The following SYNPR variants were observed in gnomAD, a reference collection of about 807,000 sequenced individuals.
SYNPR encodes the protein synaptoporin.
SYNPR carries 23 observed loss-of-function variants against 32.9 expected under a neutral mutation model. The observed-to-expected ratio is 0.70, with a 90% CI of 0.50 to 0.99. SYNPR has a LOEUF of 0.99. Ranked by LOEUF, SYNPR falls within the 50% of genes least tolerant of loss-of-function variation. The pLI is 0.00. For synonymous variants in SYNPR, 146 were observed against 135.9 expected (o/e 1.07, Z -0.52); for missense variants, 318 against 349.3 (o/e 0.91, Z 0.71).
intron 2 of SYNPR, among the ~76,000 whole-genome samples, chr3:63,265,458 G>A (rs2086477948): frequency 6.6e-6 from 1 of 151,928 alleles, no homozygotes; most frequent in Admixed American, 6.6e-5. Flanking sequence ...CACCATGTTG[G>A]CCAGGCTGGT....
intron 2 of SYNPR, among the ~76,000 whole-genome samples, chr3:63,463,830 C>G (rs1205926779): frequency 1.3e-5 from 2 of 152,164 alleles, no homozygotes; most frequent in African/African-American, 2.4e-5. Context: ...TCATCTTATT[C>G]CAACTTCCAA....
At position 63,298,834 on chromosome 3, in the gene SYNPR, T is replaced by C. The variant is rs138493159; in HGVS notation, c.84+20092T>C. Among the ~76,000 whole-genome samples the C allele has an allele frequency of 7.9e-4, 121 of 152,282 alleles. 1 individual carries two copies. The highest frequency in any genetic ancestry group is 7.3e-3 in the East Asian group (38 of 5,172). On this transcript the variant is annotated intron_variant, in intron 2 of 5. Transcript: ENST00000478300. ...TGTTGGCAACTGGCTCTTAATCCCA[T>C]TGGGGACTCTGGGACCGGTGTAGAA...
intron 2 of SYNPR, among the ~76,000 whole-genome samples, chr3:63,332,307 C>G (rs183814358): frequency 1.3e-5 from 2 of 152,182 alleles, no homozygotes; most frequent in Admixed American, 1.3e-4. Context: ...TGACTGTGCT[C>G]TGCCACCCTC....
At chr3:63,402,495 G>C (rs1028260740) in intron 2 of SYNPR, among the ~76,000 whole-genome samples, 1 of 152,166 alleles carries the variant, frequency 6.6e-6, no homozygotes, top group Non-Finnish European at 1.5e-5. Flanking sequence ...AAGGATTCTG[G>C]AAACACTGTC....
intron 2 of SYNPR, among the ~76,000 whole-genome samples, chr3:63,267,166 T>A (rs1161984706): frequency 6.6e-6 from 1 of 152,108 alleles, no homozygotes; most frequent in Non-Finnish European, 1.5e-5. Flanking sequence ...TGTTTGAAAA[T>A]GTATCAGGTT....
rs1280692246 is a variant in SYNPR, at chr3:63,414,648, A to G, written c.85-66184A>G. Reference sequence around the variant, plus strand: ...TAAATATTTTGAATCAGTCAAGATCAAATCTACCTGCTACTGACTATTTTT... The same window carrying G: ...TAAATATTTTGAATCAGTCAAGATCGAATCTACCTGCTACTGACTATTTTT... On this transcript the variant is annotated intron_variant, in intron 2 of 5. Transcript: ENST00000478300. Among the ~76,000 whole-genome samples the G allele has an allele frequency of 2.0e-5, 3 of 152,374 alleles. No individual in the cohort carries two copies. The East Asian group carries it at 5.8e-4, about 29-fold the overall frequency.
intron 4 of SYNPR, among the ~76,000 whole-genome samples, chr3:63,557,483 T>C (rs538588539): frequency 1.2e-4 from 19 of 152,282 alleles, no homozygotes; most frequent in African/African-American, 4.6e-4. Flanking sequence ...ATTTACAGAA[T>C]ATAAAACATT....
intron 4 of SYNPR, among the ~76,000 whole-genome samples, chr3:63,582,415 C>T (rs987517873): frequency 6.6e-6 from 1 of 152,002 alleles, no homozygotes; most frequent in Middle Eastern, 3.2e-3. Flanking sequence ...TACCATAGAT[C>T]ATATGGTGTC....
chr3:63,591,921 T>TTA (rs1699835526), intron 4 of SYNPR, among the ~76,000 whole-genome samples: 1 of 135,926 alleles, frequency 7.4e-6, no homozygotes, highest in African/African-American at 2.7e-5. Context: ...TAAAGTATAA[T>TTA]AAAAAAAAAA....
intron 3 of SYNPR, among the ~76,000 whole-genome samples, chr3:63,521,935 G>A (rs1196338351): frequency 6.6e-6 from 1 of 152,190 alleles, no homozygotes; most frequent in Non-Finnish European, 1.5e-5. Flanking sequence ...AAGGCAACCA[G>A]AAACCAGAGG....
intron 4 of SYNPR, among the ~76,000 whole-genome samples, chr3:63,581,790 T>C (rs1229792865): frequency 6.6e-6 from 1 of 150,954 alleles, no homozygotes; most frequent in African/African-American, 2.5e-5. Context: ...GGTTTTCTTA[T>C]TACAAAAAAA....
intron 2 of SYNPR, among the ~76,000 whole-genome samples, chr3:63,388,720 G>A (rs150551894): frequency 0.011 from 1,646 of 151,964 alleles, 33 homozygotes; most frequent in African/African-American, 0.037. Context: ...GAGCCACCAC[G>A]CCCAGCCTGG....
chr3:63,259,823 C>A (rs1425567262), intron 2 of SYNPR, among the ~76,000 whole-genome samples: 6 of 152,304 alleles, frequency 3.9e-5, no homozygotes. Flanking sequence ...ATCTAGAAAA[C>A]CCCATCGTCT....
rs71631152 is a variant in SYNPR at position 63,393,496 on chromosome 3, CTTTTTTTTT to C, written c.85-87323_85-87315del. On this transcript the variant is annotated intron_variant, in intron 2 of 5. Transcript: ENST00000478300. ...CCTTCCTTCCTTCTTTCTTTCTTCT[CTTTTTTTTT>C]TTTTTTTTTTTTGACAGTGTCTTGC... Among the ~76,000 whole-genome samples, 97 of 84,508 alleles carry C rather than the reference CTTTTTTTTT, an allele frequency of 1.1e-3. 1 individual carries two copies. The East Asian group carries it at 0.03, about 26-fold the overall frequency. 55.4% of individuals were successfully genotyped at this position (84,508 alleles called of 152,430 possible). A position where few individuals can be genotyped will look rare whatever the true frequency, so the allele number is the denominator to read the frequency against.
chr3:63,228,588 T>C (rs757877519), intron 1 of SYNPR, among the ~76,000 whole-genome samples: 1 of 152,210 alleles, frequency 6.6e-6, no homozygotes, highest in African/African-American at 2.4e-5. Context: ...AGCTGTATTC[T>C]TCTTCATTTA....
At chr3:63,211,708 C>T in the SYNPR span, among the ~76,000 whole-genome samples, 9 of 146,928 alleles carry the variant, frequency 6.1e-5, no homozygotes, top group Non-Finnish European at 1.0e-4. Flanking sequence ...TTGAATCTTT[C>T]TTTTTTTTTT....
At chr3:63,290,141 A>C (rs199990230) in intron 2 of SYNPR, among the ~76,000 whole-genome samples, 1 of 145,450 alleles carries the variant, frequency 6.9e-6, no homozygotes, top group Admixed American at 6.8e-5. Context: ...AAAAACAAAA[A>C]AACTCCTTTT....
chr3:63,341,757 A>G (rs1240267496), intron 2 of SYNPR, among the ~76,000 whole-genome samples: 2 of 152,164 alleles, frequency 1.3e-5, no homozygotes, highest in Admixed American at 6.5e-5. Context: ...TTTAACAGGT[A>G]TGTGTTTTGC....
chr3:63,356,027 C>A (rs561144366), intron 2 of SYNPR, among the ~76,000 whole-genome samples: 9 of 152,198 alleles, frequency 5.9e-5, no homozygotes, highest in Non-Finnish European at 1.2e-4. Context: ...TCCACATTCC[C>A]TCCTACTCAT....
Sources: gnomAD v4.1 joint callset for allele counts (sites outside exome capture counted in the v4.1 genomes callset) on GRCh38, gnomAD v4.1.1 for gene constraint, MANE v1.5 for transcripts, NCBI Gene and HGNC (gene_info 2026-07-23, HGNC 2026-07-21) for gene names.